The following UBA6 variants were observed in gnomAD, a reference collection of about 807,000 sequenced individuals.
UBA6 encodes ubiquitin like modifier activating enzyme 6.
A neutral mutation model predicts 148.3 loss-of-function variants in UBA6; 87 were observed. That is an observed-to-expected ratio of 0.59 (90% CI 0.49 to 0.70). The LOEUF is 0.70. Ranked by LOEUF, UBA6 falls within the 30% of genes least tolerant of loss-of-function variation. The pLI, the probability that UBA6 is intolerant of heterozygous loss-of-function variation, is 0.00. For synonymous variants in UBA6, 376 were observed against 401.0 expected (o/e 0.94, Z 0.75); for missense variants, 1,186 against 1,241.2 (o/e 0.96, Z 0.67).
intron 6 of UBA6, among the ~76,000 whole-genome samples, chr4:67,674,916 G>A (rs779033636): frequency 3.9e-5 from 6 of 152,018 alleles, no homozygotes; most frequent in East Asian, 1.9e-4. Flanking sequence ...CCAGGCTGGC[G>A]TGCAGTGGTG....
intron 6 of UBA6, among the ~76,000 whole-genome samples, chr4:67,674,609 C>G (rs1042893333): frequency 6.6e-6 from 1 of 151,918 alleles, no homozygotes; most frequent in African/African-American, 2.4e-5. Context: ...AGTCTCTGAC[C>G]CAGGAATCTC....
intron 4 of UBA6, among the ~76,000 whole-genome samples, chr4:67,678,784 GC>G (rs1484428644): frequency 6.6e-6 from 1 of 152,164 alleles, no homozygotes; most frequent in Non-Finnish European, 1.5e-5. Flanking sequence ...AGGTGAATGA[GC>G]GACTCTCATT....
At chr4:67,691,546 A>G (rs1730693925) in intron 2 of UBA6, among the ~76,000 whole-genome samples, 1 of 152,196 alleles carries the variant, frequency 6.6e-6, no homozygotes, top group Admixed American at 6.5e-5. Context: ...TATTGCAGGA[A>G]AAAGTGATGT....
intron 6 of UBA6, among the ~76,000 whole-genome samples, chr4:67,674,568 T>C (rs915837293): frequency 3.3e-5 from 5 of 152,152 alleles, no homozygotes; most frequent in African/African-American, 1.2e-4. Context: ...ATGCTCATAT[T>C]TTTTATTATG....
At chr4:67,682,678 T>G (rs1577836388) in intron 2 of UBA6, among the ~76,000 whole-genome samples, 1 of 152,164 alleles carries the variant, frequency 6.6e-6, no homozygotes, top group East Asian at 1.9e-4. Flanking sequence ...CCTTGTTAAG[T>G]TATGCATCCT....
intron 2 of UBA6, among the ~76,000 whole-genome samples, chr4:67,683,620 C>T (rs1410615179): frequency 6.7e-6 from 1 of 149,668 alleles, no homozygotes; most frequent in Non-Finnish European, 1.5e-5. Context: ...TTAGTGGATT[C>T]TATGTGTGGT....
At chr4:67,693,302 C>T (rs2109959960) in intron 2 of UBA6, among the ~76,000 whole-genome samples, 1 of 151,684 alleles carries the variant, frequency 6.6e-6, no homozygotes. Flanking sequence ...ATTTTATTTT[C>T]TCTAGCTTAC....
intron 28 of UBA6, among the ~76,000 whole-genome samples, 164 bp downstream of exon 28, chr4:67,626,196 G>A (rs1368708497): frequency 6.6e-6 from 1 of 151,908 alleles, no homozygotes; most frequent in Non-Finnish European, 1.5e-5. Context: ...GATGAATTTA[G>A]TCACAGTTAA....
chr4:67,645,343 G>A (rs1396406150), intron 16 of UBA6, among the ~76,000 whole-genome samples: 1 of 152,192 alleles, frequency 6.6e-6, no homozygotes, highest in African/African-American at 2.4e-5. Flanking sequence ...GCTCACACCT[G>A]TAATCCCAGC....
Position 67,663,954 on chromosome 4 carries a change from G to A in UBA6, c.898-7C>T. ...ACTGCCTCTCCAGTGATTCCTGATAGGAAGGAAAAAGTCATTACTTCAGAG... is the reference window on the plus strand; with the variant it reads ...ACTGCCTCTCCAGTGATTCCTGATAAGAAGGAAAAAGTCATTACTTCAGAG... On this transcript the variant is annotated splice_polypyrimidine_tract_variant and splice_region_variant and intron_variant, in intron 10 of 32. Transcript: ENST00000322244. 5 of 1,608,842 alleles carry A rather than the reference G, an allele frequency of 3.1e-6. No homozygotes were observed. Among genetic ancestry groups the A allele is most frequent in the Non-Finnish European group, 4.2e-6 (5 of 1,177,724 alleles).
In UBA6 at chr4:67,615,891, G is replaced by A. The variant is rs1029525136; in HGVS notation, c.*3106C>T. 8.3e-5 allele frequency: 26 copies of A among 314,606 alleles called. No homozygotes were observed. Among genetic ancestry groups the A allele is most frequent in the African/African-American group, 2.3e-4 (11 of 47,256 alleles). The allele number at this position is 314,606 out of a possible 1,614,324, so 19.5% of individuals were successfully genotyped here. A position where few individuals can be genotyped will look rare whatever the true frequency, so the allele number is the denominator to read the frequency against. ...GATAGTGGTAATTACCAAAGGGTAC[G>A]TGGCAGGGAGCTGGTTGTGACTGGG... On this transcript the variant is annotated 3_prime_UTR_variant, in exon 33 of 33. Coordinates refer to ENST00000322244, the MANE Select transcript of UBA6 (RefSeq NM_018227.6).
Position 67,670,695 on chromosome 4 carries a change from CT to C in UBA6, c.547-104del, listed in dbSNP as rs1262176270. 40 of 829,112 alleles carry C rather than the reference CT, an allele frequency of 4.8e-5. 2 individuals are homozygous for C. Among genetic ancestry groups the C allele is most frequent in the Admixed American group, 4.2e-4 (18 of 43,118 alleles). 51.4% of individuals were successfully genotyped at this position (829,112 alleles called of 1,614,324 possible). A position where few individuals can be genotyped will look rare whatever the true frequency, so the allele number is the denominator to read the frequency against. Reference sequence around the variant, plus strand: ...CAATTTAATTTATAATTAAGTATACCTTACACAACCTATAGAATACAAAGTA... The same window carrying C: ...CAATTTAATTTATAATTAAGTATACCTACACAACCTATAGAATACAAAGTA... On this transcript the variant is annotated intron_variant, in intron 7 of 32. Coordinates refer to ENST00000322244, the MANE Select transcript of UBA6 (RefSeq NM_018227.6).
chr4:67,648,705 T>G (rs1212079701), intron 14 of UBA6, among the ~76,000 whole-genome samples: 2 of 152,092 alleles, frequency 1.3e-5, no homozygotes, highest in African/African-American at 4.8e-5. Flanking sequence ...AAAGGGAACC[T>G]GAACGTTCAT....
At position 67,663,938 on chromosome 4, in the gene UBA6, C is replaced by G. The variant is rs1029240231; in HGVS notation, c.907G>C (p.Glu303Gln). ...CACTTTGGATGTTTTAACTGCCTCTCCAGTGATTCCTGATAGGAAGGAAAA... is the reference window on the plus strand; with the variant it reads ...CACTTTGGATGTTTTAACTGCCTCTGCAGTGATTCCTGATAGGAAGGAAAA... The part of the protein sequence containing the change: ...TPKTVFFESL[E>Q]RQLKHPKCLI... The change falls in exon 11 of 33, where the codon GAG becomes CAG. Residue 303 changes from glutamate to glutamine, a missense_variant. By Grantham distance (29) the Glu-to-Gln change is conservative. Coordinates refer to ENST00000322244, the MANE Select transcript of UBA6 (RefSeq NM_018227.6). 6.2e-7 allele frequency: 1 copy of G among 1,612,238 alleles called. No individual in the cohort carries two copies. The highest frequency in any genetic ancestry group is 8.5e-7 in the Non-Finnish European group (1 of 1,179,214).
chr4:67,648,699 G>T (rs1729481865), intron 14 of UBA6, among the ~76,000 whole-genome samples: 1 of 151,912 alleles, frequency 6.6e-6, no homozygotes, highest in South Asian at 2.1e-4. Context: ...ACCTAGAAAG[G>T]GAACCTGAAC....
intron 25 of UBA6, among the ~76,000 whole-genome samples, chr4:67,630,796 G>A (rs940759223): frequency 6.6e-6 from 1 of 152,000 alleles, no homozygotes; most frequent in Non-Finnish European, 1.5e-5. Context: ...CTTGGGAAGA[G>A]GAGTGAGTGG....
intron 2 of UBA6, among the ~76,000 whole-genome samples, chr4:67,685,947 T>C (rs1447665951): frequency 6.6e-6 from 1 of 152,200 alleles, no homozygotes; most frequent in Non-Finnish European, 1.5e-5. Context: ...AGTGCCTTCT[T>C]TGTACCAAGT....
intron 2 of UBA6, 107 bp from the exon 3 acceptor site, chr4:67,682,320 A>C: frequency 1.3e-6 from 1 of 746,388 alleles, no homozygotes; most frequent in Non-Finnish European, 2.3e-6. Flanking sequence ...CGGCCCACAG[A>C]CTTGTTATGA....
intron 9 of UBA6, among the ~76,000 whole-genome samples, chr4:67,665,967 GA>G (rs1438092754): frequency 6.6e-6 from 1 of 151,978 alleles, no homozygotes; most frequent in Non-Finnish European, 1.5e-5. Flanking sequence ...ACATAAAAAA[GA>G]AAACCTCATG....
Sources: allele counts gnomAD v4.1 joint callset (sites outside exome capture counted in the v4.1 genomes callset), GRCh38; gene constraint gnomAD v4.1.1; transcripts MANE v1.5; gene names NCBI Gene and HGNC (gene_info 2026-07-23, HGNC 2026-07-21).